Variants in PLXDC2 observed in about 807,000 individuals in gnomAD.
PLXDC2 encodes plexin domain containing 2.
In PLXDC2, 40 loss-of-function variants were observed where a neutral mutation model predicts 68.9. The ratio of observed to expected loss-of-function variants is 0.58; its 90% CI spans 0.45 to 0.76. The LOEUF (loss-of-function observed/expected upper bound fraction) is 0.76, where lower values mean the gene tolerates loss of function less well. PLXDC2 is among the 30% of genes least tolerant of loss of function. The probability of loss-of-function intolerance (pLI) is 0.00; values close to 1 mark genes in which losing one functional copy is unlikely to be tolerated. For synonymous variants in PLXDC2, 243 were observed against 234.2 expected, an observed-to-expected ratio of 1.04 and a Z score of -0.34; for missense variants, 644 against 661.9, an observed-to-expected ratio of 0.97 and a Z score of 0.30.
At chr10:20,120,340 G>A (rs2460571) in intron 4 of PLXDC2, among the ~76,000 whole-genome samples, 130,614 of 152,134 alleles carry the variant, frequency 0.86, 56,467 homozygotes, top group Non-Finnish European at 0.91. Context: ...AGTCCTTTTT[G>A]AATTGGTGGC....
At chr10:20,209,288 T>A (rs2131855476) in intron 9 of PLXDC2, among the ~76,000 whole-genome samples, 1 of 152,098 alleles carries the variant, frequency 6.6e-6, no homozygotes, top group Admixed American at 6.6e-5. Context: ...GAGGCCTACC[T>A]TCAGGGACGC....
intron 12 of PLXDC2, among the ~76,000 whole-genome samples, chr10:20,243,223 C>G (rs374863325): frequency 3.9e-5 from 6 of 152,208 alleles, no homozygotes; most frequent in African/African-American, 1.4e-4. Context: ...TCAGTTCTAC[C>G]TTAATAATTT....
At chr10:19,843,001 T>C (rs1836937089) in intron 1 of PLXDC2, among the ~76,000 whole-genome samples, 1 of 152,198 alleles carries the variant, frequency 6.6e-6, no homozygotes, top group Non-Finnish European at 1.5e-5. Flanking sequence ...AATTTAAAAA[T>C]ATATTTTTAT....
intron 2 of PLXDC2, among the ~76,000 whole-genome samples, chr10:20,043,581 A>C (rs1324808704): frequency 6.6e-6 from 1 of 152,162 alleles, no homozygotes; most frequent in Non-Finnish European, 1.5e-5. Context: ...GACACCTTAA[A>C]GAAAATATCT....
chr10:20,239,576 G>C (rs1835486378), intron 12 of PLXDC2, among the ~76,000 whole-genome samples: 2 of 152,086 alleles, frequency 1.3e-5, no homozygotes, highest in African/African-American at 4.8e-5. Flanking sequence ...AACAGCATAA[G>C]AGAAACCACA....
Position 19,859,263 on chromosome 10 carries a change from A to C in PLXDC2, c.112+42072A>C, listed in dbSNP as rs544693651. On this transcript the variant is annotated intron_variant, in intron 1 of 13. Transcript: ENST00000377252. ...GGGCAAAAAACAAACAAACAAACAGACAAAAATAACAAAAAACAAAAAACA... is the reference window on the plus strand; with the variant it reads ...GGGCAAAAAACAAACAAACAAACAGCCAAAAATAACAAAAAACAAAAAACA... Among the ~76,000 whole-genome samples the C allele has an allele frequency of 3.2e-4, 49 of 152,222 alleles. No individual in the cohort carries two copies. The South Asian group carries it at 0.01, about 32-fold the overall frequency.
rs1349903305 is a variant in PLXDC2 at position 19,884,810 on chromosome 10, T to C, written c.112+67619T>C. The stretch of plus-strand genomic sequence containing the variant: ...CTATTGTGAATAGTGCCGCAGTAAA[T>C]ATATGTGTGCATGTGTCTTTATAGC... On this transcript the variant is annotated intron_variant, in intron 1 of 13. Transcript: ENST00000377252. Among the ~76,000 whole-genome samples the C allele has an allele frequency of 3.3e-5, 5 of 152,146 alleles. No homozygotes were observed. The South Asian group carries it at 6.2e-4, about 19-fold the overall frequency.
At chr10:20,161,772 C>T (rs1195436624) in intron 6 of PLXDC2, among the ~76,000 whole-genome samples, 1 of 152,040 alleles carries the variant, frequency 6.6e-6, no homozygotes, top group Non-Finnish European at 1.5e-5. Flanking sequence ...TGGCTCACAC[C>T]TTTAATCCCA....
At chr10:20,029,918 A>G in intron 2 of PLXDC2, among the ~76,000 whole-genome samples, 1 of 152,224 alleles carries the variant, frequency 6.6e-6, no homozygotes, top group East Asian at 1.9e-4. Context: ...TGAGTTGGCA[A>G]CAAGGTTTTC....
At chr10:20,101,303 G>C (rs917037149) in intron 4 of PLXDC2, among the ~76,000 whole-genome samples, 3 of 152,152 alleles carry the variant, frequency 2.0e-5, no homozygotes, top group Admixed American at 2.0e-4. Flanking sequence ...GAAGAAAGGA[G>C]AAATTGAATT....
intron 1 of PLXDC2, among the ~76,000 whole-genome samples, chr10:19,870,106 A>T (rs1198131829): frequency 6.6e-6 from 1 of 152,208 alleles, no homozygotes; most frequent in Non-Finnish European, 1.5e-5. Flanking sequence ...TGTTTTGCAC[A>T]AATGCGACAA....
At chr10:20,140,450 C>T (rs1833990484) in intron 4 of PLXDC2, among the ~76,000 whole-genome samples, 1 of 36,080 alleles carries the variant, frequency 2.8e-5, no homozygotes. Context: ...TCCGTCTAAT[C>T]TTTAGCTGGG....
At chr10:19,817,514 G>A (rs1836376748) in intron 1 of PLXDC2, among the ~76,000 whole-genome samples, 1 of 152,140 alleles carries the variant, frequency 6.6e-6, no homozygotes, top group Non-Finnish European at 1.5e-5. Context: ...CCTAGGACCT[G>A]GCATCTCCAG....
intron 12 of PLXDC2, among the ~76,000 whole-genome samples, chr10:20,227,914 A>G (rs1338670393): frequency 6.6e-6 from 1 of 152,174 alleles, no homozygotes; most frequent in East Asian, 1.9e-4. Flanking sequence ...GAGAATGCAC[A>G]AGAGAAGTAT....
chr10:19,911,497 A>G (rs902850306), intron 1 of PLXDC2, among the ~76,000 whole-genome samples: 1 of 150,178 alleles, frequency 6.7e-6, no homozygotes, highest in Admixed American at 6.6e-5. Flanking sequence ...TTTGCTTGTG[A>G]TGGTAAAAAA....
chr10:20,245,331 G>C lies in PLXDC2; in HGVS notation c.1313-14G>C, dbSNP rs761576279. 2 of 1,603,778 alleles carry C rather than the reference G, an allele frequency of 1.2e-6. No individual in the cohort carries two copies. The highest frequency in any genetic ancestry group is 1.7e-6 in the Non-Finnish European group (2 of 1,175,772). ...AAACTCATGAAGGTCCTGACAGCTG[G>C]GATGTTCTTTCAGCTTCTACAGATG... On this transcript the variant is annotated splice_polypyrimidine_tract_variant and intron_variant, in intron 12 of 13. Transcript: ENST00000377252.
chr10:20,224,740 G>A (rs1416499928), intron 12 of PLXDC2, among the ~76,000 whole-genome samples: 2 of 152,110 alleles, frequency 1.3e-5, no homozygotes, highest in Non-Finnish European at 2.9e-5. Context: ...TTCAAAATTG[G>A]TTAACTGAGA....
intron 4 of PLXDC2, among the ~76,000 whole-genome samples, chr10:20,072,543 G>GAAAGA (rs1554764558): frequency 9.3e-4 from 55 of 58,978 alleles, no homozygotes; most frequent in African/African-American, 7.5e-3. Flanking sequence ...AAGAAAGAAA[G>GAAAGA]AAAGAAAGAA....
intron 1 of PLXDC2, among the ~76,000 whole-genome samples, chr10:19,817,901 G>A (rs1589481591): frequency 2.6e-5 from 4 of 152,158 alleles, no homozygotes; most frequent in African/African-American, 7.2e-5. Flanking sequence ...CCCCGAGAGG[G>A]CCCCCAACCT....
Sources: gnomAD v4.1 joint callset for allele counts (sites outside exome capture counted in the v4.1 genomes callset) on GRCh38, gnomAD v4.1.1 for gene constraint, MANE v1.5 for transcripts, NCBI Gene and HGNC (gene_info 2026-07-23, HGNC 2026-07-21) for gene names.